Variants in CARM1 observed in about 807,000 individuals in gnomAD.
CARM1 encodes the protein histone-arginine methyltransferase CARM1.
A neutral mutation model predicts 72.7 loss-of-function variants in CARM1; 14 were observed. The observed-to-expected ratio is 0.19, with a 90% CI of 0.13 to 0.30. The LOEUF (loss-of-function observed/expected upper bound fraction) is 0.30. Among genes scored for constraint, CARM1 ranks in the 10% least tolerant of loss-of-function variants. The pLI is 1.00. For missense variants in CARM1, 432 were observed against 833.7 expected (o/e 0.52, Z 5.93); for synonymous variants, 333 against 345.5 (o/e 0.96, Z 0.40).
chr19:10,876,630 C>T (rs1343929069), intron 1 of CARM1, among the ~76,000 whole-genome samples: 1 of 152,248 alleles, frequency 6.6e-6, no homozygotes, highest in Non-Finnish European at 1.5e-5. Flanking sequence ...CTGAAGTCAC[C>T]CTGGCCTACG....
chr19:10,909,762 A>AAAC (rs2074133653), intron 4 of CARM1, among the ~76,000 whole-genome samples: 1 of 152,140 alleles, frequency 6.6e-6, no homozygotes, highest in African/African-American at 2.4e-5. Flanking sequence ...AAACAAAAAA[A>AAAC]ACAAAAAGCA....
intron 1 of CARM1, among the ~76,000 whole-genome samples, chr19:10,878,459 T>C (rs959768640): frequency 2.0e-5 from 3 of 152,200 alleles, no homozygotes; most frequent in Admixed American, 1.3e-4. Context: ...TTGTGGCGCT[T>C]ACTGTATGTT....
intron 1 of CARM1, among the ~76,000 whole-genome samples, chr19:10,883,060 T>C (rs970668818): frequency 2.3e-4 from 35 of 152,246 alleles, no homozygotes; most frequent in Middle Eastern, 3.4e-3. Flanking sequence ...GCTGGAATGC[T>C]ATCCCTGGCC....
rs1032520827 is a variant in CARM1 at position 10,896,686 on chromosome 19, C to T, written c.221-8265C>T. The stretch of plus-strand genomic sequence containing the variant: ...TGTCTGGGCCACCCCTGTTTCCCTG[C>T]GTTCCTGCACTCTTCCCCTTACTGG... On this transcript the variant is annotated intron_variant, in intron 1 of 15. Transcript: ENST00000327064. The surrounding 1 kb of genome is among the most constrained non-coding windows in gnomAD (Gnocchi z 5.2). Among the ~76,000 whole-genome samples the T allele has an allele frequency of 1.3e-5, 2 of 152,204 alleles. No homozygotes were observed. The highest frequency in any genetic ancestry group is 4.8e-5 in the African/African-American group (2 of 41,452).
Position 10,914,781 on chromosome 19 carries a change from C to T in CARM1, c.847+727C>T, listed in dbSNP as rs191362450. Reference sequence around the variant, plus strand: ...GTGTTGGTCAGGCTGGTCACGAACTCCTGACCTCAGGTGATCTACCCGCCT... The same window carrying T: ...GTGTTGGTCAGGCTGGTCACGAACTTCTGACCTCAGGTGATCTACCCGCCT... On this transcript the variant is annotated intron_variant, in intron 6 of 15. Coordinates refer to ENST00000327064, the MANE Select transcript of CARM1 (RefSeq NM_199141.2). 5.7e-3 allele frequency among the ~76,000 whole-genome samples: 872 copies of T among 152,274 alleles called. 14 individuals are homozygous for T. The highest frequency in any genetic ancestry group is 4.1e-3 in the Non-Finnish European group (278 of 68,024).
At chr19:10,894,329 C>A (rs780379510) in intron 1 of CARM1, among the ~76,000 whole-genome samples, 1 of 152,176 alleles carries the variant, frequency 6.6e-6, no homozygotes, top group Admixed American at 6.5e-5. Context: ...GCAGAGCAGG[C>A]TGAGCAGAGA....
intron 1 of CARM1, among the ~76,000 whole-genome samples, chr19:10,887,127 A>C (rs1407166702): frequency 6.6e-6 from 1 of 152,134 alleles, no homozygotes; most frequent in African/African-American, 2.4e-5. Context: ...TTTGGCCCTG[A>C]TCCGTTCACT....
chr19:10,916,355 C>A lies in CARM1; in HGVS notation c.848-52C>A. Reference sequence around the variant, plus strand: ...GGGGTCCTTTGGAAGCTCTGCCAGGCAGTGTGGGATGTGTCACCTGACGCC... The same window carrying A: ...GGGGTCCTTTGGAAGCTCTGCCAGGAAGTGTGGGATGTGTCACCTGACGCC... On this transcript the variant is annotated intron_variant, in intron 6 of 15. Coordinates refer to ENST00000327064, the MANE Select transcript of CARM1 (RefSeq NM_199141.2). The surrounding 1 kb of genome is among the most constrained non-coding windows in gnomAD (Gnocchi z 4.4). 8.0e-7 allele frequency: 1 copy of A among 1,247,728 alleles called. No individual in the cohort carries two copies. The highest frequency in any genetic ancestry group is 1.2e-6 in the Non-Finnish European group (1 of 850,918). 77.3% of individuals were successfully genotyped at this position (1,247,728 alleles called of 1,614,324 possible).
intron 8 of CARM1, among the ~76,000 whole-genome samples, chr19:10,917,514 T>A (rs1176693379): frequency 1.3e-5 from 2 of 151,980 alleles, no homozygotes; most frequent in African/African-American, 4.8e-5. Context: ...TATTCTGTTT[T>A]CCCCCTGCTC....
At chr19:10,872,311 GC>G (rs1416298736) in intron 1 of CARM1, among the ~76,000 whole-genome samples, 1 of 151,624 alleles carries the variant, frequency 6.6e-6, no homozygotes, top group Non-Finnish European at 1.5e-5. Context: ...CGTCTCGGGG[GC>G]GGGCGTGGCC....
rs756207709 is a variant in CARM1 at position 10,913,903 on chromosome 19, G to A, written c.696G>A (p.Thr232=). The change falls in exon 6 of 16, where the codon ACG becomes ACA. Residue 232 remains threonine (T), a synonymous_variant. Transcript: ENST00000327064. ...TCTTGGTGAAGAGTAACAACCTGACGGACCGCATCGTGGTCATCCCGGGCA... is the reference window on the plus strand; with the variant it reads ...TCTTGGTGAAGAGTAACAACCTGACAGACCGCATCGTGGTCATCCCGGGCA... ...AEVLVKSNNL[T]DRIVVIPGKV... 1.7e-5 allele frequency: 27 copies of A among 1,613,226 alleles called. No individual in the cohort carries two copies. Among genetic ancestry groups the A allele is most frequent in the Non-Finnish European group, 1.9e-5 (23 of 1,179,880 alleles).
intron 1 of CARM1, among the ~76,000 whole-genome samples, chr19:10,891,212 G>A (rs1331676720): frequency 6.6e-6 from 1 of 152,118 alleles, no homozygotes; most frequent in African/African-American, 2.4e-5. Flanking sequence ...ACTACTGTGT[G>A]CCCGTGGGTC....
At chr19:10,877,641 C>T (rs574307656) in intron 1 of CARM1, among the ~76,000 whole-genome samples, 47 of 152,214 alleles carry the variant, frequency 3.1e-4, no homozygotes, top group Middle Eastern at 3.4e-3. Flanking sequence ...AGGCTGGCCT[C>T]GAACTCCTGA....
At chr19:10,882,790 G>A (rs926144046) in intron 1 of CARM1, among the ~76,000 whole-genome samples, 17 of 152,016 alleles carry the variant, frequency 1.1e-4, no homozygotes, top group African/African-American at 3.6e-4. Context: ...GGATCTGCCC[G>A]CCTTGGTCTC....
chr19:10,918,732 C>T lies in CARM1; in HGVS notation c.1021-863C>T, dbSNP rs1189858456. 5.3e-5 allele frequency among the ~76,000 whole-genome samples: 8 copies of T among 152,180 alleles called. No individual in the cohort carries two copies. The East Asian group carries it at 1.5e-3, about 29-fold the overall frequency. Reference sequence around the variant, plus strand: ...CTGAGCTCCCATTTTGCTTTCCCCACCCAAGGAAGCTGCTGAAAGGTCGAG... The same window carrying T: ...CTGAGCTCCCATTTTGCTTTCCCCATCCAAGGAAGCTGCTGAAAGGTCGAG... On this transcript the variant is annotated intron_variant, in intron 8 of 15. Coordinates refer to ENST00000327064, the MANE Select transcript of CARM1 (RefSeq NM_199141.2).
chr19:10,879,222 G>A (rs1013652445), intron 1 of CARM1, among the ~76,000 whole-genome samples: 9 of 152,222 alleles, frequency 5.9e-5, no homozygotes, highest in African/African-American at 2.2e-4. Flanking sequence ...GAGAAAGGGT[G>A]CAAAGGTCAC....
At chr19:10,898,163 C>T (rs140827330) in intron 1 of CARM1, among the ~76,000 whole-genome samples, 65 of 151,552 alleles carry the variant, frequency 4.3e-4, no homozygotes, top group Middle Eastern at 6.8e-3. Context: ...AAAAATTAGC[C>T]AGGTGTGGTG....
intron 15 of CARM1, 79 bp downstream of exon 15, chr19:10,921,522 T>TGCCCTCTTGCCTGCCC: frequency 1.3e-6 from 2 of 1,566,052 alleles, no homozygotes; most frequent in Non-Finnish European, 1.7e-6. Flanking sequence ...GCCGCCCGCC[T>TGCCCTCTTGCCTGCCC]GCCCTCTTGC....
At position 10,916,323 on chromosome 19, in the gene CARM1, G is replaced by C; in HGVS notation, c.848-84G>C. On this transcript the variant is annotated intron_variant, in intron 6 of 15. Coordinates refer to ENST00000327064, the MANE Select transcript of CARM1 (RefSeq NM_199141.2). The surrounding 1 kb of genome is among the most constrained non-coding windows in gnomAD (Gnocchi z 4.4). ...ACAGGCTGGGAGCACCCAGGGTTGGGGGTCTTGGGGTCCTTTGGAAGCTCT... is the reference window on the plus strand; with the variant it reads ...ACAGGCTGGGAGCACCCAGGGTTGGCGGTCTTGGGGTCCTTTGGAAGCTCT... The C allele has an allele frequency of 1.1e-6, 1 of 888,522 alleles. No homozygotes were observed. The highest frequency in any genetic ancestry group is 1.4e-5 in the South Asian group (1 of 71,632). The allele number at this position is 888,522 out of a possible 1,614,324, so 55.0% of individuals were successfully genotyped here.
Sources: gnomAD v4.1 joint callset for allele counts (sites outside exome capture counted in the v4.1 genomes callset) on GRCh38, gnomAD v4.1.1 for gene constraint, Gnocchi (gnomAD v3.1) non-coding constraint, MANE v1.5 for transcripts, NCBI Gene and HGNC (gene_info 2026-07-23, HGNC 2026-07-21) for gene names.